Variants in WFIKKN1 observed in about 807,000 individuals in gnomAD.
WFIKKN1 encodes WAP, Kazal, immunoglobulin, Kunitz and NTR domain-containing protein 1.
WFIKKN1 carries 6 observed loss-of-function variants against 4.6 expected under a neutral mutation model. The observed-to-expected ratio is 1.31, with a 90% CI of 0.72 to 2.59. The LOEUF (loss-of-function observed/expected upper bound fraction) is 2.59. Among genes scored for constraint, WFIKKN1 ranks in the 30% most tolerant of loss-of-function variants. WFIKKN1 has a pLI of 0.00. For synonymous variants in WFIKKN1, 468 were observed against 367.4 expected, an observed-to-expected ratio of 1.27 and a Z score of -3.13; for missense variants, 964 against 818.0, an observed-to-expected ratio of 1.18 and a Z score of -2.18.
At chr16:632,315 C>T (rs968740950) in intron 1 of WFIKKN1, 14 of 406,076 alleles carry the variant, frequency 3.4e-5, no homozygotes, top group Non-Finnish European at 5.2e-5. Flanking sequence ...ACTGTACGCC[C>T]TCCTTGGGCC....
chr16:632,652 C>G lies in WFIKKN1; in HGVS notation c.242C>G (p.Pro81Arg). Residue 81 changes from proline (P) to arginine (R), a missense_variant, in exon 2 of 2, where the codon CCC becomes CGC. Pro to Arg is a moderately radical substitution (Grantham distance 103). Coordinates refer to ENST00000319070, the MANE Select transcript of WFIKKN1 (RefSeq NM_053284.3). ...CACAGCTGCGTGGCAGCACGCTTCCCCGGCAGCCCAGCTGCGCCGACGACA... is the reference window on the plus strand; with the variant it reads ...CACAGCTGCGTGGCAGCACGCTTCCGCGGCAGCCCAGCTGCGCCGACGACA... The part of the protein sequence containing the change: ...GLHSCVAARF[P>R]GSPAAPTTAA... The G allele has an allele frequency of 6.2e-7, 1 of 1,601,658 alleles. No homozygotes were observed. The highest frequency in any genetic ancestry group is 8.5e-7 in the Non-Finnish European group (1 of 1,174,002).
chr16:632,211 T>C (rs2151086280), intron 1 of WFIKKN1: 1 of 186,610 alleles, frequency 5.4e-6, no homozygotes, highest in Non-Finnish European at 1.1e-5. Flanking sequence ...CCCACCCTCC[T>C]TCCATCCGGG....
Position 633,867 on chromosome 16 carries a change from A to ACTGGGC in WFIKKN1, c.1461_1466dup (p.Trp487_Ala488dup). On this transcript the variant is annotated inframe_insertion, in exon 2 of 2. Coordinates refer to ENST00000319070, the MANE Select transcript of WFIKKN1 (RefSeq NM_053284.3). ...CTGGAGGTGACGCTGAGTGGCATGG[A>ACTGGGC]CTGGGCCTGCCCCTGCCCCAACATG... 1 of 1,595,702 alleles carries ACTGGGC rather than the reference A, an allele frequency of 6.3e-7. No individual in the cohort carries two copies. Among genetic ancestry groups the ACTGGGC allele is most frequent in the South Asian group, 1.1e-5 (1 of 88,708 alleles).
At position 633,302 on chromosome 16, in the gene WFIKKN1, G is replaced by A. The variant is rs573708114; in HGVS notation, c.892G>A (p.Glu298Lys). The A allele has an allele frequency of 5.0e-6, 8 of 1,593,006 alleles. No individual in the cohort carries two copies. The highest frequency in any genetic ancestry group is 1.7e-5 in the Admixed American group (1 of 58,830). ...DAAPSIPAPA[E>K]CLPDVQACTG... is the part of the protein sequence containing the mutation. ...AGCCCCCAGCATCCCAGCCCCGGCC[G>A]AGTGCCTGCCGGATGTGCAGGCCTG... The change falls in exon 2 of 2, where the codon GAG becomes AAG. Residue 298 changes from glutamate (E) to lysine (K), a missense_variant. Glu to Lys is a moderately conservative substitution (Grantham distance 56, BLOSUM62 1). Coordinates refer to ENST00000319070, the MANE Select transcript of WFIKKN1 (RefSeq NM_053284.3).
rs1241449989 is a variant in WFIKKN1, at chr16:633,607, C to A, written c.1197C>A (p.Phe399Leu). 6.4e-7 allele frequency: 1 copy of A among 1,573,310 alleles called. No homozygotes were observed. The highest frequency in any genetic ancestry group is 2.4e-5 in the East Asian group (1 of 42,132). Residue 399 changes from phenylalanine to leucine, a missense_variant, in exon 2 of 2, where the codon TTC becomes TTA. Coordinates refer to ENST00000319070, the MANE Select transcript of WFIKKN1 (RefSeq NM_053284.3). ...GCTGCGAGGGCAACGGCAACAACTTCCACAGCCGCGAGAGCTGCGAGGATG... is the reference window on the plus strand; with the variant it reads ...GCTGCGAGGGCAACGGCAACAACTTACACAGCCGCGAGAGCTGCGAGGATG... Reference protein sequence around the residue: ...YGGCEGNGNNFHSRESCEDAC... With the variant: ...YGGCEGNGNNLHSRESCEDAC...
In WFIKKN1 at chr16:632,566, T is replaced by G; in HGVS notation, c.172-16T>G. The G allele has an allele frequency of 1.3e-6, 2 of 1,489,688 alleles. No homozygotes were observed. The highest frequency in any genetic ancestry group is 1.8e-6 in the Non-Finnish European group (2 of 1,118,982). The allele number at this position is 1,489,688 out of a possible 1,614,324, so 92.3% of individuals were successfully genotyped here. A position where few individuals can be genotyped will look rare whatever the true frequency, so the allele number is the denominator to read the frequency against. Reference sequence around the variant, plus strand: ...GGGGGCATTGGGGCTCCCACCTAAGTGTCCCCCATCCCCAGGACTGTGCGG... The same window carrying G: ...GGGGGCATTGGGGCTCCCACCTAAGGGTCCCCCATCCCCAGGACTGTGCGG... On this transcript the variant is annotated splice_polypyrimidine_tract_variant and intron_variant, in intron 1 of 1. Transcript: ENST00000319070.
chr16:633,379 G>A lies in WFIKKN1; in HGVS notation c.969G>A (p.Arg323=). 6.4e-7 allele frequency: 1 copy of A among 1,566,638 alleles called. No individual in the cohort carries two copies. The highest frequency in any genetic ancestry group is 1.4e-5 in the African/African-American group (1 of 73,218). ...TCCTCTGGCACTACGACCCGCAGCG[G>A]GGCGGCTGCATGACCTTCCCGGCCC... is the stretch of plus-strand genomic sequence containing the variant. ...HLVLWHYDPQ[R]GGCMTFPARG... Residue 323 remains arginine, a synonymous_variant, in exon 2 of 2, where the codon CGG becomes CGA. Transcript: ENST00000319070.
chr16:632,566 T>C lies in WFIKKN1; in HGVS notation c.172-16T>C, dbSNP rs2269561. On this transcript the variant is annotated splice_polypyrimidine_tract_variant and intron_variant, in intron 1 of 1. Coordinates refer to ENST00000319070, the MANE Select transcript of WFIKKN1 (RefSeq NM_053284.3). ...GGGGGCATTGGGGCTCCCACCTAAG[T>C]GTCCCCCATCCCCAGGACTGTGCGG... The C allele has an allele frequency of 0.24, 362,976 of 1,489,174 alleles. 50,585 individuals carry two copies. The highest frequency in any genetic ancestry group is 0.64 in the East Asian group (25,366 of 39,398). The allele number at this position is 1,489,174 out of a possible 1,614,324, so 92.2% of individuals were successfully genotyped here.
Position 632,888 on chromosome 16 carries a change from G to C in WFIKKN1, c.478G>C (p.Val160Leu). The C allele has an allele frequency of 6.4e-7, 1 of 1,571,772 alleles. No individual in the cohort carries two copies. Reference sequence around the variant, plus strand: ...CCTCCACATCGTGCCCTGCAAGCACGTGCTCAGCTGGCCGCCCAGCAGCCC... The same window carrying C: ...CCTCCACATCGTGCCCTGCAAGCACCTGCTCAGCTGGCCGCCCAGCAGCCC... ...LHLHIVPCKH[V>L]LSWPPSSPGP... The change falls in exon 2 of 2, where the codon GTG becomes CTG. Residue 160 changes from valine to leucine, a missense_variant. Val to Leu is a conservative substitution (Grantham distance 32). Transcript: ENST00000319070.
chr16:633,946 C>A lies in WFIKKN1; in HGVS notation c.1536C>A (p.Ala512=), dbSNP rs777863388. 2 of 1,595,674 alleles carry A rather than the reference C, an allele frequency of 1.3e-6. No homozygotes were observed. The highest frequency in any genetic ancestry group is 1.7e-6 in the Non-Finnish European group (2 of 1,172,014). ...TGGGTGAGGTGCGCGATGGCGTGGC[C>A]GTGCTGGACGCCGGCAGCTACGTCC... The part of the protein sequence containing the change: ...VIMGEVRDGV[A]VLDAGSYVRA... The change falls in exon 2 of 2, where the codon GCC becomes GCA. Residue 512 remains alanine, a synonymous_variant. Coordinates refer to ENST00000319070, the MANE Select transcript of WFIKKN1 (RefSeq NM_053284.3).
intron 1 of WFIKKN1, chr16:632,360 G>A (rs907762876): frequency 2.4e-5 from 12 of 496,316 alleles, no homozygotes; most frequent in South Asian, 4.5e-5. Context: ...AAAGAATAAC[G>A]GAACTTGCTT....
At position 633,301 on chromosome 16, in the gene WFIKKN1, C is replaced by A. The variant is rs896319174; in HGVS notation, c.891C>A (p.Ala297=). The stretch of plus-strand genomic sequence containing the variant: ...CAGCCCCCAGCATCCCAGCCCCGGC[C>A]GAGTGCCTGCCGGATGTGCAGGCCT... The part of the protein sequence containing the change: ...RDAAPSIPAP[A]ECLPDVQACT... The change falls in exon 2 of 2, where the codon GCC becomes GCA. Residue 297 remains alanine (A), a synonymous_variant. Transcript: ENST00000319070. The A allele has an allele frequency of 1.9e-6, 3 of 1,592,138 alleles. No homozygotes were observed. Among genetic ancestry groups the A allele is most frequent in the Non-Finnish European group, 2.6e-6 (3 of 1,173,808 alleles).
chr16:633,914 GTCA>G lies in WFIKKN1; in HGVS notation c.1509_1511del (p.Ile503del). 3 of 1,594,494 alleles carry G rather than the reference GTCA, an allele frequency of 1.9e-6. No individual in the cohort carries two copies. The highest frequency in any genetic ancestry group is 1.3e-5 in the African/African-American group (1 of 74,574). ...CATGACGGCGGGCGACGGGCCGCTG[GTCA>G]TCATGGGTGAGGTGCGCGATGGCGT... On this transcript the variant is annotated inframe_deletion, in exon 2 of 2. Transcript: ENST00000319070.
At chr16:632,475 G>C (rs996188658) in intron 1 of WFIKKN1, 107 bp from the exon 2 acceptor site, 2 of 1,340,746 alleles carry the variant, frequency 1.5e-6, no homozygotes, top group African/African-American at 3.1e-5. Flanking sequence ...CAGCCACAGA[G>C]CGGGGGGCTC....
Position 633,830 on chromosome 16 carries a change from G to A in WFIKKN1, c.1420G>A (p.Gly474Ser). The change falls in exon 2 of 2, where the codon GGC becomes AGC. Residue 474 changes from glycine to serine, a missense_variant. Coordinates refer to ENST00000319070, the MANE Select transcript of WFIKKN1 (RefSeq NM_053284.3). The stretch of plus-strand genomic sequence containing the variant: ...TGACAAGATGGGCCTCAAGTTCTTG[G>A]GCACCAAGTACCTGGAGGTGACGCT... Reference protein sequence around the residue: ...KDDKMGLKFLGTKYLEVTLSG... With the variant: ...KDDKMGLKFLSTKYLEVTLSG... 1.2e-6 allele frequency: 2 copies of A among 1,601,984 alleles called. No homozygotes were observed. The highest frequency in any genetic ancestry group is 1.7e-6 in the Non-Finnish European group (2 of 1,174,858).
chr16:633,972 G>A lies in WFIKKN1; in HGVS notation c.1562G>A (p.Arg521His), dbSNP rs1283644595. Residue 521 changes from arginine (R) to histidine (H), a missense_variant, in exon 2 of 2, where the codon CGC becomes CAC. By Grantham distance (29) the Arg-to-His change is conservative. Transcript: ENST00000319070. ...VAVLDAGSYVRAASEKRVKKI... is the reference protein window; with the variant it reads ...VAVLDAGSYVHAASEKRVKKI... ...GTGCTGGACGCCGGCAGCTACGTCCGCGCCGCCAGCGAGAAGCGCGTCAAG... is the reference window on the plus strand; with the variant it reads ...GTGCTGGACGCCGGCAGCTACGTCCACGCCGCCAGCGAGAAGCGCGTCAAG... 20 of 1,598,162 alleles carry A rather than the reference G, an allele frequency of 1.3e-5. No homozygotes were observed. Among genetic ancestry groups the A allele is most frequent in the Admixed American group, 1.7e-5 (1 of 58,344 alleles).
chr16:632,667 C>A lies in WFIKKN1; in HGVS notation c.257C>A (p.Ala86Glu). Reference protein sequence around the residue: ...VAARFPGSPAAPTTAASCEGF... With the variant: ...VAARFPGSPAEPTTAASCEGF... ...GCACGCTTCCCCGGCAGCCCAGCTG[C>A]GCCGACGACAGCGGCCTCCTGCGAG... The change falls in exon 2 of 2, where the codon GCG becomes GAG. Residue 86 changes from alanine (A) to glutamate (E), a missense_variant. Ala to Glu is a moderately radical substitution (Grantham distance 107). Coordinates refer to ENST00000319070, the MANE Select transcript of WFIKKN1 (RefSeq NM_053284.3). 6.2e-7 allele frequency: 1 copy of A among 1,604,236 alleles called. No homozygotes were observed. The highest frequency in any genetic ancestry group is 1.1e-5 in the South Asian group (1 of 89,970).
At position 633,102 on chromosome 16, in the gene WFIKKN1, T is replaced by C. The variant is rs767053633; in HGVS notation, c.692T>C (p.Met231Thr). ...AGTCACCAGCGAGAGAACCTGATCATGCGCCCTGATCAGATGTATGGCAAC... is the reference window on the plus strand; with the variant it reads ...AGTCACCAGCGAGAGAACCTGATCACGCGCCCTGATCAGATGTATGGCAAC... ...KQSHQRENLI[M>T]RPDQMYGNVV... is the part of the protein sequence containing the mutation. The change falls in exon 2 of 2, where the codon ATG becomes ACG. Residue 231 changes from methionine to threonine, a missense_variant. Met to Thr is a moderately conservative substitution (Grantham distance 81). Transcript: ENST00000319070. 1 of 1,612,056 alleles carries C rather than the reference T, an allele frequency of 6.2e-7. No individual in the cohort carries two copies. The highest frequency in any genetic ancestry group is 1.1e-5 in the South Asian group (1 of 91,028).
chr16:632,958 C>A lies in WFIKKN1; in HGVS notation c.548C>A (p.Pro183His). ...GCCCGCCCCACACCTGGGGCCGCGC[C>A]CGTGCCTCCTGCCCTGTACAGCAGC... ...TTARPTPGAA[P>H]VPPALYSSPS... The change falls in exon 2 of 2, where the codon CCC (proline) becomes CAC (histidine). Residue 183 changes from proline (P) to histidine (H), a missense_variant. Physicochemically the swap from Pro to His is moderately conservative, Grantham distance 77 (BLOSUM62 -2). Coordinates refer to ENST00000319070, the MANE Select transcript of WFIKKN1 (RefSeq NM_053284.3). 6.4e-7 allele frequency: 1 copy of A among 1,566,978 alleles called. No homozygotes were observed. Among genetic ancestry groups the A allele is most frequent in the Non-Finnish European group, 8.7e-7 (1 of 1,155,440 alleles).
Sources: gnomAD v4.1 joint callset for allele counts on GRCh38, gnomAD v4.1.1 for gene constraint, MANE v1.5 for transcripts, NCBI Gene and HGNC (gene_info 2026-07-23, HGNC 2026-07-21) for gene names.